The following AAK1 variants were observed in gnomAD, a reference collection of about 807,000 sequenced individuals.
AAK1 encodes the protein AP2-associated protein kinase 1.
A neutral mutation model predicts 116.0 loss-of-function variants in AAK1; 37 were observed. The ratio of observed to expected loss-of-function variants is 0.32; its 90% CI spans 0.25 to 0.42. The LOEUF (loss-of-function observed/expected upper bound fraction) is 0.42, where lower values mean the gene tolerates loss of function less well. Among genes scored for constraint, AAK1 ranks in the 10% least tolerant of loss-of-function variants. The pLI is 1.00. For missense variants in AAK1, 919 were observed against 1,170.6 expected, an observed-to-expected ratio of 0.79 and a Z score of 3.14; for synonymous variants, 458 against 439.9, an observed-to-expected ratio of 1.04 and a Z score of -0.51.
At position 69,519,135 on chromosome 2, in the gene AAK1, G is replaced by A. The variant is rs562502660; in HGVS notation, c.1316C>T (p.Pro439Leu). Residue 439 changes from proline (P) to leucine (L), a missense_variant, in exon 12 of 22, where the codon CCT (proline) becomes CTT (leucine). Transcript: ENST00000409085. ...PQTQAKQPQA[P>L]PTPQQTPSTQ... ...AGAAGGCGTCTGCTGTGGAGTGGGAGGAGCCTGTGGCTGCTTGGCCTGAGT... is the reference window on the plus strand; with the variant it reads ...AGAAGGCGTCTGCTGTGGAGTGGGAAGAGCCTGTGGCTGCTTGGCCTGAGT... 2 of 1,566,906 alleles carry A rather than the reference G, an allele frequency of 1.3e-6. No homozygotes were observed. Among genetic ancestry groups the A allele is most frequent in the African/African-American group, 1.3e-5 (1 of 74,080 alleles).
In AAK1 at chr2:69,466,331, C is replaced by T. The variant is rs1384475304; in HGVS notation, c.*9538G>A. On this transcript the variant is annotated 3_prime_UTR_variant, in exon 22 of 22. Coordinates refer to ENST00000409085, the MANE Select transcript of AAK1 (RefSeq NM_014911.5). ...GAGGCCGAGACCCACTGCAGTCCAG[C>T]ATGTCTCCTTCAAGGTCAGTCCCTT... The T allele has an allele frequency of 1.6e-6, 2 of 1,289,848 alleles. No individual in the cohort carries two copies. The highest frequency in any genetic ancestry group is 5.6e-5 in the East Asian group (1 of 18,014). 79.9% of individuals were successfully genotyped at this position (1,289,848 alleles called of 1,614,324 possible). A position where few individuals can be genotyped will look rare whatever the true frequency, so the allele number is the denominator to read the frequency against.
intron 2 of AAK1, among the ~76,000 whole-genome samples, chr2:69,633,235 C>A (rs1675286938): frequency 7.2e-6 from 1 of 139,210 alleles, no homozygotes. Flanking sequence ...AAAAAAAGGC[C>A]CCAAGAAAAA....
chr2:69,576,072 T>C (rs1178362327), intron 2 of AAK1, among the ~76,000 whole-genome samples: 1 of 152,176 alleles, frequency 6.6e-6, no homozygotes, highest in East Asian at 1.9e-4. Flanking sequence ...GAAAGTACCC[T>C]GGAGCGGGGA....
At chr2:69,537,811 T>C (rs1412664922) in intron 5 of AAK1, among the ~76,000 whole-genome samples, 2 of 152,172 alleles carry the variant, frequency 1.3e-5, no homozygotes, top group African/African-American at 4.8e-5. Flanking sequence ...AATGAAAGCA[T>C]CTAGATGGCA....
intron 11 of AAK1, among the ~76,000 whole-genome samples, chr2:69,519,690 T>G (rs1392432171): frequency 6.6e-6 from 1 of 152,240 alleles, no homozygotes; most frequent in East Asian, 1.9e-4. Flanking sequence ...CAAAAGCAGC[T>G]TCCTGGTAGG....
At chr2:69,529,097 A>T (rs1033819730) in intron 8 of AAK1, among the ~76,000 whole-genome samples, 25 of 152,174 alleles carry the variant, frequency 1.6e-4, no homozygotes, top group African/African-American at 6.0e-4. Context: ...AGTTACCTAC[A>T]TTTTCTCAGT....
At position 69,632,835 on chromosome 2, in the gene AAK1, C is replaced by G. The variant is rs543415883; in HGVS notation, c.163+10043G>C. Among the ~76,000 whole-genome samples, 11 of 152,122 alleles carry G rather than the reference C, an allele frequency of 7.2e-5. No individual in the cohort carries two copies. In the South Asian group the frequency reaches 2.3e-3, roughly 32 times the overall value. On this transcript the variant is annotated intron_variant, in intron 2 of 21. Transcript: ENST00000409085. ...GATCACGAGGTCGGGAGATCGAGACCGTCCTGGCTATCACGGTGAAACCCC... is the reference window on the plus strand; with the variant it reads ...GATCACGAGGTCGGGAGATCGAGACGGTCCTGGCTATCACGGTGAAACCCC...
intron 2 of AAK1, 85 bp from the exon 3 acceptor site, chr2:69,557,063 T>A: frequency 1.1e-6 from 1 of 929,510 alleles, no homozygotes; most frequent in Non-Finnish European, 1.7e-6. Context: ...GTTGCCACTG[T>A]CACTGCTAAT....
chr2:69,512,072 T>C (rs892310464), intron 13 of AAK1, among the ~76,000 whole-genome samples: 2 of 152,202 alleles, frequency 1.3e-5, no homozygotes, highest in South Asian at 2.1e-4. Context: ...CCATGTCTCC[T>C]GACTGTGGCT....
chr2:69,578,888 C>T (rs1672429211), intron 2 of AAK1, among the ~76,000 whole-genome samples: 1 of 151,568 alleles, frequency 6.6e-6, no homozygotes, highest in Non-Finnish European at 1.5e-5. Context: ...ACTGCAAGCT[C>T]CACCTCCCGG....
Position 69,470,280 on chromosome 2 carries a change from TA to T in AAK1, c.*5588del. ...AAGAAGCCTTCTCACATATAGTTAGTAAACAGAAAGCAAAATATCCCTTCAC... is the reference window on the plus strand; with the variant it reads ...AAGAAGCCTTCTCACATATAGTTAGTAACAGAAAGCAAAATATCCCTTCAC... On this transcript the variant is annotated 3_prime_UTR_variant, in exon 22 of 22. Transcript: ENST00000409085. 1 of 985,408 alleles carries T rather than the reference TA, an allele frequency of 1.0e-6. No homozygotes were observed. The highest frequency in any genetic ancestry group is 1.2e-6 in the Non-Finnish European group (1 of 829,934). The allele number at this position is 985,408 out of a possible 1,614,324, so 61.0% of individuals were successfully genotyped here. A position where few individuals can be genotyped will look rare whatever the true frequency, so the allele number is the denominator to read the frequency against.
chr2:69,557,154 T>C (rs1671418149), intron 2 of AAK1, among the ~76,000 whole-genome samples, 176 bp from the exon 3 acceptor site: 1 of 152,188 alleles, frequency 6.6e-6, no homozygotes. Context: ...CTTGGAGATA[T>C]TACTTGTGGG....
chr2:69,539,003 C>G (rs6546526), intron 5 of AAK1, among the ~76,000 whole-genome samples: 12,575 of 152,268 alleles, frequency 0.083, 1,424 homozygotes, highest in African/African-American at 0.26. Flanking sequence ...TGAGCCCTTT[C>G]AGGCATTTAC....
intron 12 of AAK1, among the ~76,000 whole-genome samples, chr2:69,515,908 A>G (rs1676563051): frequency 6.6e-6 from 1 of 152,218 alleles, no homozygotes; most frequent in South Asian, 2.1e-4. Flanking sequence ...TATCAACAGG[A>G]GACTGGCTGA....
At position 69,470,862 on chromosome 2, in the gene AAK1, T is replaced by C; in HGVS notation, c.*5007A>G. 1.0e-6 allele frequency: 1 copy of C among 985,882 alleles called. No individual in the cohort carries two copies. Among genetic ancestry groups the C allele is most frequent in the Non-Finnish European group, 1.2e-6 (1 of 829,940 alleles). 61.1% of individuals were successfully genotyped at this position (985,882 alleles called of 1,614,324 possible). A position where few individuals can be genotyped will look rare whatever the true frequency, so the allele number is the denominator to read the frequency against. Reference sequence around the variant, plus strand: ...AATCCTTTCTGCAAAAAAGTGGGTTTTCAGCTCAGGAAAAGAGCAACTTAT... The same window carrying C: ...AATCCTTTCTGCAAAAAAGTGGGTTCTCAGCTCAGGAAAAGAGCAACTTAT... On this transcript the variant is annotated 3_prime_UTR_variant, in exon 22 of 22. Transcript: ENST00000409085.
intron 13 of AAK1, among the ~76,000 whole-genome samples, chr2:69,513,854 G>A (rs975230910): frequency 5.9e-5 from 9 of 152,152 alleles, no homozygotes; most frequent in Admixed American, 1.3e-4. Flanking sequence ...ACAATCAGAC[G>A]AGGGGTTCTG....
intron 2 of AAK1, among the ~76,000 whole-genome samples, chr2:69,630,375 A>G (rs1204582069): frequency 1.2e-4 from 17 of 140,448 alleles, no homozygotes; most frequent in Admixed American, 2.1e-4. Flanking sequence ...AGGGGGAGGG[A>G]GAGAGAGAGA....
chr2:69,641,878 A>G (rs1675741563), intron 2 of AAK1, among the ~76,000 whole-genome samples: 1 of 152,104 alleles, frequency 6.6e-6, no homozygotes, highest in Non-Finnish European at 1.5e-5. Context: ...TCGGTCTATA[A>G]CACAACCTAC....
At chr2:69,641,272 T>C (rs1031095593) in intron 2 of AAK1, among the ~76,000 whole-genome samples, 10 of 152,186 alleles carry the variant, frequency 6.6e-5, no homozygotes, top group Admixed American at 5.2e-4. Flanking sequence ...AGGAAAGTGT[T>C]CTGTGGCCCT....
Sources: gnomAD v4.1 joint callset for allele counts (sites outside exome capture counted in the v4.1 genomes callset) on GRCh38, gnomAD v4.1.1 for gene constraint, MANE v1.5 for transcripts, NCBI Gene and HGNC (gene_info 2026-07-23, HGNC 2026-07-21) for gene names.